CFAP44: variants seen among roughly 807,000 people sequenced by gnomAD.
The protein encoded by CFAP44 is cilia- and flagella-associated protein 44.
In CFAP44, 134 loss-of-function variants were observed where a neutral mutation model predicts 216.2. The ratio of observed to expected loss-of-function variants is 0.62; its 90% CI spans 0.54 to 0.72. The LOEUF is 0.72. Among genes scored for constraint, CFAP44 ranks in the 30% least tolerant of loss-of-function variants. CFAP44 has a pLI of 0.00. For synonymous variants in CFAP44, 700 were observed against 727.6 expected (o/e 0.96, Z 0.61); for missense variants, 2,035 against 2,182.1 (o/e 0.93, Z 1.34).
chr3:113,430,429 G>GAAA (rs754983161), intron 2 of CFAP44, among the ~76,000 whole-genome samples: 7 of 74,188 alleles, frequency 9.4e-5, no homozygotes, highest in African/African-American at 1.3e-4. Context: ...AAAAATAAAT[G>GAAA]AAAAAAAAAA....
intron 2 of CFAP44, among the ~76,000 whole-genome samples, chr3:113,432,819 T>C (rs1174036478): frequency 6.6e-6 from 1 of 152,232 alleles, no homozygotes; most frequent in Non-Finnish European, 1.5e-5. Context: ...TTTTTAACTT[T>C]CTGGAATCTC....
intron 22 of CFAP44, among the ~76,000 whole-genome samples, chr3:113,351,650 T>C (rs935548305): frequency 1.3e-5 from 2 of 152,222 alleles, no homozygotes; most frequent in African/African-American, 4.8e-5. Flanking sequence ...TAGTACGAGA[T>C]GCCAACCGGC....
chr3:113,401,764 T>G (rs1934148419), intron 9 of CFAP44, 25 bp from the exon 10 acceptor site: 1 of 1,580,358 alleles, frequency 6.3e-7, no homozygotes, highest in African/African-American at 1.4e-5. Context: ...AGAAAATACT[T>G]TAATCGATCA....
At chr3:113,391,986 T>A (rs1285585281) in intron 15 of CFAP44, among the ~76,000 whole-genome samples, 1 of 152,080 alleles carries the variant, frequency 6.6e-6, no homozygotes, top group Non-Finnish European at 1.5e-5. Context: ...AGTTTGGGGT[T>A]CCTCAAAAAA....
chr3:113,420,892 T>G (rs1934797381), intron 4 of CFAP44, among the ~76,000 whole-genome samples: 1 of 152,178 alleles, frequency 6.6e-6, no homozygotes, highest in South Asian at 2.1e-4. Flanking sequence ...TTTCTGAGCT[T>G]ATTAGTATAT....
Position 113,330,664 on chromosome 3 carries a change from T to C in CFAP44, c.3620A>G (p.His1207Arg), listed in dbSNP as rs1468417879. The C allele has an allele frequency of 3.3e-6, 5 of 1,526,834 alleles. No individual in the cohort carries two copies. In the African/African-American group the frequency reaches 4.2e-5, roughly 13 times the overall value. The allele number at this position is 1,526,834 out of a possible 1,614,324, so 94.6% of individuals were successfully genotyped here. ...CTTGTTCATGTGCCTTTTATTTCCA[T>C]GGACCTGAAAAAAAGAAGAGGAAGG... ...EELGHLDSLV[H>R]GNKRHMNKCI... Residue 1207 changes from histidine (H) to arginine (R), a missense_variant, in exon 26 of 35, where the codon CAT becomes CGT. Physicochemically the swap from His to Arg is conservative, Grantham distance 29. Around this residue, in one of 3 missense-constraint regions of CFAP44, gnomAD observed 1,883 missense variants for 2,023.7 expected, o/e 0.93. Coordinates refer to ENST00000393845, the MANE Select transcript of CFAP44 (RefSeq NM_001164496.2).
At chr3:113,428,645 A>AT (rs1244059606) in intron 2 of CFAP44, among the ~76,000 whole-genome samples, 2 of 152,182 alleles carry the variant, frequency 1.3e-5, no homozygotes, top group Non-Finnish European at 2.9e-5. Flanking sequence ...CACAAACTCC[A>AT]TTTTTTTGTA....
intron 7 of CFAP44, among the ~76,000 whole-genome samples, chr3:113,407,610 G>A (rs1934322676): frequency 6.6e-6 from 1 of 152,162 alleles, no homozygotes; most frequent in African/African-American, 2.4e-5. Flanking sequence ...GAGAAAATTA[G>A]TAACATCTAC....
intron 34 of CFAP44, chr3:113,293,893 T>C (rs1949855128): frequency 7.0e-6 from 3 of 426,032 alleles, no homozygotes; most frequent in South Asian, 5.1e-5. Flanking sequence ...TGCAGACTGC[T>C]GGGCCCCTCC....
intron 24 of CFAP44, among the ~76,000 whole-genome samples, chr3:113,336,446 A>C (rs1950282502): frequency 2.0e-5 from 3 of 152,100 alleles, no homozygotes; most frequent in Admixed American, 2.0e-4. Flanking sequence ...TTATGCCAAT[A>C]AAATTGACAA....
chr3:113,440,718 C>T (rs992579522), intron 1 of CFAP44, among the ~76,000 whole-genome samples: 2 of 152,154 alleles, frequency 1.3e-5, no homozygotes, highest in African/African-American at 4.8e-5. Flanking sequence ...TCTAATGGCT[C>T]ATCACTGCTA....
chr3:113,408,857 C>A (rs1475951407), intron 7 of CFAP44, among the ~76,000 whole-genome samples: 1 of 131,922 alleles, frequency 7.6e-6, no homozygotes, highest in Non-Finnish European at 1.6e-5. Flanking sequence ...AAGCGAAACT[C>A]CATTTCAAAA....
intron 1 of CFAP44, among the ~76,000 whole-genome samples, chr3:113,436,792 T>C (rs945944714): frequency 6.6e-6 from 1 of 152,242 alleles, no homozygotes; most frequent in African/African-American, 2.4e-5. Flanking sequence ...TTTTCATCTG[T>C]GAGTTTCAAT....
At chr3:113,292,259 A>C (rs1436407281) in intron 34 of CFAP44, among the ~76,000 whole-genome samples, 4 of 152,290 alleles carry the variant, frequency 2.6e-5, no homozygotes, top group Non-Finnish European at 4.4e-5. Flanking sequence ...AATTTACAGA[A>C]TATTACATGG....
chr3:113,344,590 G>A lies in CFAP44; in HGVS notation c.3188C>T (p.Ser1063Leu). 1 of 1,537,066 alleles carries A rather than the reference G, an allele frequency of 6.5e-7. No homozygotes were observed. Among genetic ancestry groups the A allele is most frequent in the African/African-American group, 1.4e-5 (1 of 73,132 alleles). Reference protein sequence around the residue: ...KYSKFKRASQSERKPSKLDRF... With the variant: ...KYSKFKRASQLERKPSKLDRF... ...GTCCAATTTGCTTGGTTTTCTCTCT[G>A]ATTGACTAGCTCGTTTGAATTTGGA... The change falls in exon 23 of 35, where the codon TCA becomes TTA. Residue 1063 changes from serine (S) to leucine (L), a missense_variant. Transcript: ENST00000393845.
At chr3:113,439,694 G>A (rs1351805310) in intron 1 of CFAP44, among the ~76,000 whole-genome samples, 1 of 152,172 alleles carries the variant, frequency 6.6e-6, no homozygotes, top group Non-Finnish European at 1.5e-5. Context: ...AAGAAAAAGG[G>A]AAAATAATAG....
chr3:113,325,751 TACA>T (rs1364012578), intron 28 of CFAP44, among the ~76,000 whole-genome samples: 37 of 152,162 alleles, frequency 2.4e-4, no homozygotes, highest in African/African-American at 8.2e-4. Context: ...CTAGAATAGC[TACA>T]ACAATTTTAC....
intron 17 of CFAP44, among the ~76,000 whole-genome samples, chr3:113,375,402 A>G (rs569872072): frequency 7.9e-4 from 120 of 152,364 alleles, no homozygotes; most frequent in African/African-American, 2.7e-3. Context: ...AAAGTTACGA[A>G]GCTGGAACAG....
intron 19 of CFAP44, 66 bp from the exon 20 acceptor site, chr3:113,363,598 G>A: frequency 1.5e-6 from 2 of 1,364,560 alleles, no homozygotes; most frequent in Non-Finnish European, 2.0e-6. Context: ...AAATATCTAG[G>A]AAGAAGTAAA....
Sources: gnomAD v4.1 joint callset for allele counts (sites outside exome capture counted in the v4.1 genomes callset) on GRCh38, gnomAD v4.1.1 for gene constraint, gnomAD v4.1.1 regional missense constraint, MANE v1.5 for transcripts, NCBI Gene and HGNC (gene_info 2026-07-23, HGNC 2026-07-21) for gene names.